FHIT: variants seen among roughly 807,000 people sequenced by gnomAD.
FHIT encodes the protein bis(5'-adenosyl)-triphosphatase.
In FHIT, 19 loss-of-function variants were observed where a neutral mutation model predicts 17.9. The observed-to-expected ratio is 1.06, with a 90% confidence interval of 0.74 to 1.56. The LOEUF (loss-of-function observed/expected upper bound fraction) is 1.56, where lower values mean the gene tolerates loss of function less well. Ranked by LOEUF, FHIT falls within the 40% of genes most tolerant of loss-of-function variation. FHIT has a pLI of 0.00. For missense variants in FHIT, 248 were observed against 189.2 expected, an observed-to-expected ratio of 1.31 and a Z score of -1.82; for synonymous variants, 81 against 69.7, an observed-to-expected ratio of 1.16 and a Z score of -0.81.
chr3:60,599,684 TAAA>T (rs5849379), intron 4 of FHIT, among the ~76,000 whole-genome samples: 1 of 143,942 alleles, frequency 6.9e-6, no homozygotes, highest in Admixed American at 7.0e-5. Flanking sequence ...AAGGACAAGT[TAAA>T]AAAAAAAAAA....
intron 3 of FHIT, among the ~76,000 whole-genome samples, chr3:60,962,561 T>G (rs1553781428): frequency 6.6e-6 from 1 of 152,228 alleles, no homozygotes; most frequent in Non-Finnish European, 1.5e-5. Flanking sequence ...ATATTGGCTG[T>G]GGGTTTGTCA....
At chr3:60,679,866 C>T (rs2040706216) in intron 4 of FHIT, among the ~76,000 whole-genome samples, 1 of 152,018 alleles carries the variant, frequency 6.6e-6, no homozygotes, top group Non-Finnish European at 1.5e-5. Context: ...AGATTGCATT[C>T]TTCTGAAACT....
At chr3:60,836,027 A>G (rs1397946724) in intron 3 of FHIT, among the ~76,000 whole-genome samples, 1 of 152,038 alleles carries the variant, frequency 6.6e-6, no homozygotes, top group Admixed American at 6.6e-5. Context: ...CTTTCTTTCC[A>G]TCTGTATGCC....
At chr3:60,027,148 C>CAAAA (rs57414828) in intron 5 of FHIT, among the ~76,000 whole-genome samples, 11 of 125,748 alleles carry the variant, frequency 8.7e-5, no homozygotes, top group African/African-American at 2.4e-4. Flanking sequence ...CACACACACA[C>CAAAA]AAAATTAGTA....
At chr3:60,956,578 G>T (rs879972893) in intron 3 of FHIT, among the ~76,000 whole-genome samples, 2 of 152,120 alleles carry the variant, frequency 1.3e-5, no homozygotes, top group Non-Finnish European at 2.9e-5. Flanking sequence ...TGCCCAGAGG[G>T]GAAAAAGAAT....
At chr3:59,991,677 G>A (rs890128722) in intron 7 of FHIT, among the ~76,000 whole-genome samples, 2 of 151,886 alleles carry the variant, frequency 1.3e-5, no homozygotes, top group Admixed American at 6.6e-5. Context: ...GTCAAATTCC[G>A]AGAGCAGACC....
intron 5 of FHIT, among the ~76,000 whole-genome samples, chr3:60,035,925 T>C (rs1701198102): frequency 6.6e-6 from 1 of 152,234 alleles, no homozygotes; most frequent in South Asian, 2.1e-4. Context: ...AAAGGTTTAC[T>C]TCTTGCCTGC....
At chr3:60,551,859 A>T (rs1044385724) in intron 4 of FHIT, among the ~76,000 whole-genome samples, 6 of 151,874 alleles carry the variant, frequency 4.0e-5, no homozygotes, top group Non-Finnish European at 7.4e-5. Flanking sequence ...ATATACCATA[A>T]AATTCACCCT....
chr3:61,221,245 T>C lies in FHIT; in HGVS notation c.-212-20580A>G, dbSNP rs76089567. 9.9e-3 allele frequency among the ~76,000 whole-genome samples: 1,515 copies of C among 152,338 alleles called. 24 individuals carry two copies. The highest frequency in any genetic ancestry group is 0.035 in the African/African-American group (1,446 of 41,588). ...TGACAATGTGGCATTTGCACAGGGA[T>C]GCCCTAACATGGCCCCAGTATGTTT... On this transcript the variant is annotated intron_variant, in intron 1 of 9. Coordinates refer to ENST00000492590, the MANE Select transcript of FHIT (RefSeq NM_002012.4).
intron 7 of FHIT, among the ~76,000 whole-genome samples, chr3:59,974,662 G>A (rs1559511872): frequency 6.6e-6 from 1 of 152,068 alleles, no homozygotes. Flanking sequence ...AACTTTATAC[G>A]TACCTAAATG....
At chr3:60,839,721 C>T (rs1041084086) in intron 3 of FHIT, among the ~76,000 whole-genome samples, 3 of 152,100 alleles carry the variant, frequency 2.0e-5, no homozygotes, top group Non-Finnish European at 4.4e-5. Context: ...ATTATGCTGA[C>T]CCTCTGCCCA....
chr3:60,270,514 A>T, intron 5 of FHIT, among the ~76,000 whole-genome samples: 1 of 152,230 alleles, frequency 6.6e-6, no homozygotes, highest in Non-Finnish European at 1.5e-5. Flanking sequence ...GAACTCATAA[A>T]AGATGTTCAA....
intron 4 of FHIT, among the ~76,000 whole-genome samples, chr3:60,755,795 T>A (rs901461044): frequency 6.6e-5 from 10 of 152,222 alleles, no homozygotes; most frequent in Middle Eastern, 3.2e-3. Context: ...AGCCAGACTC[T>A]GAAGTCCCAG....
chr3:60,478,528 G>C (rs1559947653), intron 5 of FHIT, among the ~76,000 whole-genome samples: 1 of 152,112 alleles, frequency 6.6e-6, no homozygotes, highest in East Asian at 1.9e-4. Flanking sequence ...AAAAACAATA[G>C]AATGCATCTG....
chr3:60,485,364 T>C (rs2107486303), intron 5 of FHIT, among the ~76,000 whole-genome samples: 1 of 152,292 alleles, frequency 6.6e-6, no homozygotes, highest in East Asian at 1.9e-4. Context: ...TTATGTTTAG[T>C]GCAGCGTCAT....
intron 7 of FHIT, among the ~76,000 whole-genome samples, chr3:59,995,427 A>G (rs1443127659): frequency 6.6e-6 from 1 of 152,034 alleles, no homozygotes; most frequent in Non-Finnish European, 1.5e-5. Context: ...AACTTCAACA[A>G]CTAATTGGAA....
intron 4 of FHIT, among the ~76,000 whole-genome samples, chr3:60,661,633 T>C (rs543261247): frequency 6.6e-6 from 1 of 152,180 alleles, no homozygotes; most frequent in Non-Finnish European, 1.5e-5. Context: ...CTCCACGCTG[T>C]TTTCCATAGT....
chr3:59,827,985 T>G (rs1701034206), intron 8 of FHIT, among the ~76,000 whole-genome samples: 1 of 152,172 alleles, frequency 6.6e-6, no homozygotes, highest in African/African-American at 2.4e-5. Context: ...AAAGAGGCAC[T>G]TAGGGAGACA....
At chr3:60,125,192 C>T (rs540926665) in intron 5 of FHIT, among the ~76,000 whole-genome samples, 1 of 152,304 alleles carries the variant, frequency 6.6e-6, no homozygotes, top group East Asian at 1.9e-4. Context: ...AAGAGCCAGC[C>T]AGGGTCTAGA....
Sources: allele counts gnomAD v4.1 joint callset (sites outside exome capture counted in the v4.1 genomes callset), GRCh38; gene constraint gnomAD v4.1.1; transcripts MANE v1.5; gene names NCBI Gene and HGNC (gene_info 2026-07-23, HGNC 2026-07-21).